The following AGAP1 variants were observed in gnomAD, a reference collection of about 807,000 sequenced individuals.
AGAP1 encodes arf-GAP with GTPase, ANK repeat and PH domain-containing protein 1.
A neutral mutation model predicts 105.3 loss-of-function variants in AGAP1; 29 were observed. The observed-to-expected ratio is 0.28, with a 90% confidence interval of 0.21 to 0.38. AGAP1 has a LOEUF of 0.38. AGAP1 is among the 10% of genes least tolerant of loss of function. The probability of loss-of-function intolerance (pLI) is 1.00; values close to 1 mark genes in which losing one functional copy is unlikely to be tolerated. For missense variants in AGAP1, 998 were observed against 1,165.1 expected, an observed-to-expected ratio of 0.86 and a Z score of 2.09; for synonymous variants, 509 against 485.9, an observed-to-expected ratio of 1.05 and a Z score of -0.63.
rs1223818528 is a variant in AGAP1 at position 236,125,895 on chromosome 2, T to C, written c.*1773T>C. ...CAGTGTGATGGGGGGAGAAGGGTTG[T>C]CACAATGGAAGATGAGGACACTAGA... On this transcript the variant is annotated 3_prime_UTR_variant, in exon 18 of 18. Coordinates refer to ENST00000304032, the MANE Select transcript of AGAP1 (RefSeq NM_001037131.3). This position sits in a 1 kb window ranked among gnomAD's most constrained non-coding sequence, Gnocchi z 5.2. The C allele has an allele frequency of 6.6e-6, 1 of 152,112 alleles. No homozygotes were observed. Among genetic ancestry groups the C allele is most frequent in the Non-Finnish European group, 1.5e-5 (1 of 68,018 alleles). The allele number at this position is 152,112 out of a possible 1,614,324, so 9.4% of individuals were successfully genotyped here.
rs1038315800 is a variant in AGAP1 at position 236,096,615 on chromosome 2, G to C, written c.2115-23577G>C. On this transcript the variant is annotated intron_variant, in intron 16 of 17. Coordinates refer to ENST00000304032, the MANE Select transcript of AGAP1 (RefSeq NM_001037131.3). The surrounding 1 kb of genome is among the most constrained non-coding windows in gnomAD (Gnocchi z 4.4). ...TTTTTTGGGACAGAGTCTCGCTCTT[G>C]TCACCCAGGCTGGAGTGCAGTGGCA... 1.3e-5 allele frequency among the ~76,000 whole-genome samples: 2 copies of C among 151,566 alleles called. No individual in the cohort carries two copies. Among genetic ancestry groups the C allele is most frequent in the Non-Finnish European group, 2.9e-5 (2 of 67,958 alleles).
intron 1 of AGAP1, chr2:235,670,546 G>A (rs1399535562): frequency 1.4e-5 from 7 of 483,346 alleles, no homozygotes; most frequent in Non-Finnish European, 2.1e-5. Context: ...CCGCGCCCCT[G>A]CGGCGGAGCC....
rs1430034328 is a variant in AGAP1 at position 235,951,116 on chromosome 2, T to C, written c.1484-17346T>C. Among the ~76,000 whole-genome samples the C allele has an allele frequency of 6.6e-6, 1 of 152,222 alleles. No homozygotes were observed. Among genetic ancestry groups the C allele is most frequent in the African/African-American group, 2.4e-5 (1 of 41,458 alleles). Reference sequence around the variant, plus strand: ...ATCATTAATTCTGGAGGTTGCACTCTGAATGATTTCTTATTTTGTGGAAAA... The same window carrying C: ...ATCATTAATTCTGGAGGTTGCACTCCGAATGATTTCTTATTTTGTGGAAAA... On this transcript the variant is annotated intron_variant, in intron 12 of 17. Coordinates refer to ENST00000304032, the MANE Select transcript of AGAP1 (RefSeq NM_001037131.3). This position sits in a 1 kb window ranked among gnomAD's most constrained non-coding sequence, Gnocchi z 4.2.
intron 9 of AGAP1, among the ~76,000 whole-genome samples, chr2:235,815,898 A>G (rs1958424505): frequency 1.3e-5 from 2 of 152,166 alleles, no homozygotes; most frequent in African/African-American, 4.8e-5. Flanking sequence ...AGTCCCGTCC[A>G]TGGGAGACCT....
rs186056972 is a variant in AGAP1 at position 235,976,116 on chromosome 2, G to A, written c.1645+7493G>A. Among the ~76,000 whole-genome samples, 110 of 152,284 alleles carry A rather than the reference G, an allele frequency of 7.2e-4. No individual in the cohort carries two copies. The highest frequency in any genetic ancestry group is 1.0e-3 in the Non-Finnish European group (70 of 68,020). On this transcript the variant is annotated intron_variant, in intron 13 of 17. Coordinates refer to ENST00000304032, the MANE Select transcript of AGAP1 (RefSeq NM_001037131.3). The surrounding 1 kb of genome is among the most constrained non-coding windows in gnomAD (Gnocchi z 4.5). ...AATGCAGTCACTTCACTCTGCTAAGGATATCAGGAGACTGGCTGGGTTTCA... is the reference window on the plus strand; with the variant it reads ...AATGCAGTCACTTCACTCTGCTAAGAATATCAGGAGACTGGCTGGGTTTCA...
intron 9 of AGAP1, among the ~76,000 whole-genome samples, chr2:235,810,339 T>A (rs1958067246): frequency 1.3e-5 from 2 of 152,196 alleles, no homozygotes; most frequent in Admixed American, 1.3e-4. Flanking sequence ...GCTCAGCCCA[T>A]GTGAAAGACT....
intron 16 of AGAP1, among the ~76,000 whole-genome samples, chr2:236,068,357 A>G (rs1347438788): frequency 6.6e-6 from 1 of 152,080 alleles, no homozygotes; most frequent in Non-Finnish European, 1.5e-5. Context: ...CCATAATATA[A>G]TAACCCTTCC....
chr2:235,573,574 C>T (rs1333299455), intron 1 of AGAP1, among the ~76,000 whole-genome samples: 1 of 152,224 alleles, frequency 6.6e-6, no homozygotes, highest in Middle Eastern at 3.4e-3. Context: ...TATTAAAACT[C>T]CCATTTCATC....
rs1231307689 is a variant in AGAP1 at position 235,586,608 on chromosome 2, GA to G, written c.163+91760del. ...CCCTTGCAGGCTGAGGTCTCTTGGT[GA>G]TAATCCACACACTGTCCTGGGCCTT... On this transcript the variant is annotated intron_variant, in intron 1 of 17. Coordinates refer to ENST00000304032, the MANE Select transcript of AGAP1 (RefSeq NM_001037131.3). This position sits in a 1 kb window ranked among gnomAD's most constrained non-coding sequence, Gnocchi z 4.2. 2.0e-5 allele frequency among the ~76,000 whole-genome samples: 3 copies of G among 152,232 alleles called. No individual in the cohort carries two copies. The highest frequency in any genetic ancestry group is 7.2e-5 in the African/African-American group (3 of 41,460).
intron 1 of AGAP1, among the ~76,000 whole-genome samples, chr2:235,514,140 C>T (rs1374068223): frequency 7.0e-6 from 1 of 143,716 alleles, no homozygotes; most frequent in African/African-American, 2.7e-5. Context: ...TGGTGTGTGC[C>T]AGTGCATGCG....
chr2:236,066,423 G>T (rs184287393), intron 16 of AGAP1, among the ~76,000 whole-genome samples: 1 of 151,992 alleles, frequency 6.6e-6, no homozygotes, highest in Non-Finnish European at 1.5e-5. Flanking sequence ...ATGGGGTTTC[G>T]CCATGTTGGC....
chr2:235,675,267 G>T (rs1948673156), intron 1 of AGAP1, among the ~76,000 whole-genome samples: 1 of 148,724 alleles, frequency 6.7e-6, no homozygotes, highest in Non-Finnish European at 1.5e-5. Flanking sequence ...TCAGCTCACT[G>T]CAACCTCTGC....
chr2:235,848,143 T>A (rs1045115800), intron 9 of AGAP1, among the ~76,000 whole-genome samples: 8 of 152,210 alleles, frequency 5.3e-5, no homozygotes, highest in African/African-American at 1.9e-4. Context: ...GCTGTTTCCA[T>A]AAGCCATGGC....
chr2:236,036,117 C>T lies in AGAP1; in HGVS notation c.1646-444C>T, dbSNP rs549502482. ...CTCTGCCATAAAAGAACAGAACCTTCCCGCGTTCCTCTATCCATGGAGTGT... is the reference window on the plus strand; with the variant it reads ...CTCTGCCATAAAAGAACAGAACCTTTCCGCGTTCCTCTATCCATGGAGTGT... On this transcript the variant is annotated intron_variant, in intron 13 of 17. Coordinates refer to ENST00000304032, the MANE Select transcript of AGAP1 (RefSeq NM_001037131.3). This position sits in a 1 kb window ranked among gnomAD's most constrained non-coding sequence, Gnocchi z 5.7. Among the ~76,000 whole-genome samples the T allele has an allele frequency of 4.6e-5, 7 of 152,296 alleles. No homozygotes were observed. Among genetic ancestry groups the T allele is most frequent in the African/African-American group, 1.2e-4 (5 of 41,560 alleles).
At chr2:235,749,962 C>G (rs78326965) in intron 5 of AGAP1, among the ~76,000 whole-genome samples, 17 of 152,256 alleles carry the variant, frequency 1.1e-4, no homozygotes, top group Admixed American at 2.6e-4. Flanking sequence ...AGTGACCACA[C>G]CTAGAAGAAG....
chr2:235,814,223 G>C (rs1437050285), intron 9 of AGAP1, among the ~76,000 whole-genome samples: 1 of 152,180 alleles, frequency 6.6e-6, no homozygotes. Flanking sequence ...CTCTTGCCAG[G>C]GAGCCTGCCC....
intron 1 of AGAP1, among the ~76,000 whole-genome samples, chr2:235,638,636 TG>T (rs1289553388): frequency 6.6e-6 from 1 of 151,986 alleles, no homozygotes; most frequent in Non-Finnish European, 1.5e-5. Flanking sequence ...GTATGAATGG[TG>T]GTTCCCAATT....
At chr2:235,675,220 C>T (rs1333137001) in intron 1 of AGAP1, among the ~76,000 whole-genome samples, 1 of 141,768 alleles carries the variant, frequency 7.1e-6, no homozygotes, top group South Asian at 2.3e-4. Flanking sequence ...GACAGAGTCT[C>T]GCTCTGTCGC....
intron 12 of AGAP1, among the ~76,000 whole-genome samples, chr2:235,933,687 C>T (rs921298468): frequency 3.9e-5 from 6 of 152,074 alleles, no homozygotes; most frequent in Non-Finnish European, 5.9e-5. Context: ...CACGCGCCAC[C>T]GTGCCCGGCT....
Sources: allele counts gnomAD v4.1 joint callset (sites outside exome capture counted in the v4.1 genomes callset), GRCh38; gene constraint gnomAD v4.1.1; non-coding constraint Gnocchi (gnomAD v3.1); transcripts MANE v1.5; gene names NCBI Gene and HGNC (gene_info 2026-07-23, HGNC 2026-07-21).